Variants in PCDH15 observed in about 807,000 individuals in gnomAD.
PCDH15 encodes the protein protocadherin-15.
In PCDH15, 129 loss-of-function variants were observed where a neutral mutation model predicts 178.5. That is an observed-to-expected ratio of 0.72 (90% CI 0.63 to 0.84). The LOEUF (loss-of-function observed/expected upper bound fraction) is 0.84, where lower values mean the gene tolerates loss of function less well. PCDH15 is among the 40% of genes least tolerant of loss of function. PCDH15 has a pLI of 0.00. For synonymous variants in PCDH15, 800 were observed against 732.0 expected, an observed-to-expected ratio of 1.09 and a Z score of -1.50; for missense variants, 2,230 against 2,099.9, an observed-to-expected ratio of 1.06 and a Z score of -1.21.
intron 3 of PCDH15, among the ~76,000 whole-genome samples, chr10:54,863,430 T>C (rs1002466022): frequency 2.0e-5 from 3 of 152,110 alleles, no homozygotes; most frequent in Admixed American, 6.5e-5. Flanking sequence ...TAGTCCCATC[T>C]ACTCGGGAGG....
chr10:54,642,875 G>A (rs566947748), intron 2 of PCDH15, among the ~76,000 whole-genome samples: 329 of 152,108 alleles, frequency 2.2e-3, no homozygotes, highest in African/African-American at 4.8e-3. Context: ...CTTTATAAAC[G>A]TCTGTTGTAA....
At chr10:54,939,150 T>C (rs1488848256) in intron 2 of PCDH15, among the ~76,000 whole-genome samples, 4 of 152,042 alleles carry the variant, frequency 2.6e-5, no homozygotes, top group African/African-American at 9.7e-5. Context: ...CTGTTTCTTA[T>C]TGAGTCAGTT....
chr10:54,516,834 G>A (rs1367381838), intron 3 of PCDH15, among the ~76,000 whole-genome samples: 1 of 152,180 alleles, frequency 6.6e-6, no homozygotes, highest in Non-Finnish European at 1.5e-5. Context: ...CCCACAAAGG[G>A]AAGCTCATCA....
chr10:55,585,415 A>C (rs1842707171), intron 2 of PCDH15, among the ~76,000 whole-genome samples: 1 of 152,188 alleles, frequency 6.6e-6, no homozygotes, highest in African/African-American at 2.4e-5. Flanking sequence ...GCGTTGGCTC[A>C]AGCCTGTAAT....
intron 1 of PCDH15, among the ~76,000 whole-genome samples, chr10:55,201,055 G>C (rs1007034709): frequency 2.0e-5 from 3 of 151,930 alleles, no homozygotes; most frequent in African/African-American, 4.8e-5. Context: ...ACTTCATTTC[G>C]TATCCTTAGT....
Position 55,356,143 on chromosome 10 carries a change from T to C in PCDH15, c.-155-189492A>G, listed in dbSNP as rs1588949099. 3.9e-5 allele frequency among the ~76,000 whole-genome samples: 6 copies of C among 152,048 alleles called. No homozygotes were observed. In the East Asian group the frequency reaches 1.2e-3, roughly 29 times the overall value. On this transcript the variant is annotated intron_variant, in intron 2 of 5. Coordinates refer to the PCDH15 transcript ENST00000613346. ...TTTGAAGTCATTATTAACTGCAAAT[T>C]GCTGCCCTGTGTTCAGCCCTTTTTT...
intron 1 of PCDH15, among the ~76,000 whole-genome samples, chr10:55,222,730 C>CACATATATATATATATAT: frequency 1.4e-4 from 17 of 121,230 alleles, no homozygotes; most frequent in South Asian, 2.6e-4. Flanking sequence ...CACACACACA[C>CACATATATATATATATAT]ATATATATAT....
At chr10:55,575,795 T>C (rs1396461745) in intron 2 of PCDH15, 7 of 152,170 alleles carry the variant, frequency 4.6e-5, no homozygotes, top group Admixed American at 4.6e-4. Flanking sequence ...GGACTAGCAA[T>C]GAAATACCAC....
intron 3 of PCDH15, among the ~76,000 whole-genome samples, chr10:54,873,100 T>C (rs1489746742): frequency 6.6e-6 from 1 of 152,142 alleles, no homozygotes; most frequent in Admixed American, 6.5e-5. Context: ...AAACAAATAG[T>C]AAATTTGACC....
intron 1 of PCDH15, among the ~76,000 whole-genome samples, chr10:54,723,409 A>G (rs1413391107): frequency 6.6e-6 from 1 of 151,890 alleles, no homozygotes; most frequent in Non-Finnish European, 1.5e-5. Flanking sequence ...AAAGTGGATT[A>G]AAGACTTAAA....
At chr10:55,096,537 A>G (rs1822067011) in intron 2 of PCDH15, among the ~76,000 whole-genome samples, 1 of 152,118 alleles carries the variant, frequency 6.6e-6, no homozygotes, top group South Asian at 2.1e-4. Flanking sequence ...CAAGTGTACA[A>G]TACATTGTTA....
At position 55,094,860 on chromosome 10, in the gene PCDH15, T is replaced by C. The variant is rs975131579; in HGVS notation, c.-80+71716A>G. On this transcript the variant is annotated intron_variant, in intron 2 of 5. Coordinates refer to the PCDH15 transcript ENST00000458638. ...TATTTACAGATGAGAAAACCAAATA[T>C]CTGATAAGTTAATATACCCAAAATG... Among the ~76,000 whole-genome samples, 14 of 151,586 alleles carry C rather than the reference T, an allele frequency of 9.2e-5. No homozygotes were observed. In the East Asian group the frequency reaches 2.5e-3, roughly 27 times the overall value.
At chr10:55,235,252 T>A (rs550896986) in intron 1 of PCDH15, among the ~76,000 whole-genome samples, 3 of 152,124 alleles carry the variant, frequency 2.0e-5, no homozygotes, top group African/African-American at 7.2e-5. Flanking sequence ...AAATTTATGT[T>A]ACCAGTTAGA....
chr10:54,165,603 T>A (rs2046144052), intron 13 of PCDH15, among the ~76,000 whole-genome samples: 1 of 152,144 alleles, frequency 6.6e-6, no homozygotes, highest in Non-Finnish European at 1.5e-5. Flanking sequence ...TATCAAATTC[T>A]CTCATGCCCA....
chr10:54,701,371 C>A (rs529982805), intron 1 of PCDH15, among the ~76,000 whole-genome samples: 1 of 151,926 alleles, frequency 6.6e-6, no homozygotes, highest in East Asian at 1.9e-4. Context: ...GTACATAAAT[C>A]GACATTCTAA....
At chr10:53,831,198 G>C (rs144169796) in intron 30 of PCDH15, 117 bp downstream of exon 30, 1 of 944,388 alleles carries the variant, frequency 1.1e-6, no homozygotes, top group Admixed American at 1.7e-5. Context: ...GACAGATAAA[G>C]CAATCTCAGA....
chr10:55,486,263 G>A (rs182060924), intron 2 of PCDH15, among the ~76,000 whole-genome samples: 214 of 151,724 alleles, frequency 1.4e-3, no homozygotes, highest in African/African-American at 4.7e-3. Context: ...AAAAATAAAT[G>A]AAGGAAACAA....
At chr10:53,980,161 C>T (rs2090510300) in intron 21 of PCDH15, among the ~76,000 whole-genome samples, 1 of 148,856 alleles carries the variant, frequency 6.7e-6, no homozygotes, top group Admixed American at 6.7e-5. Flanking sequence ...CAGGAGGTTG[C>T]AGTGAGCTGA....
At chr10:54,569,730 G>T (rs533893027) in intron 2 of PCDH15, among the ~76,000 whole-genome samples, 13 of 152,248 alleles carry the variant, frequency 8.5e-5, no homozygotes, top group Non-Finnish European at 1.6e-4. Flanking sequence ...TGAACAACAT[G>T]CTGGCAACAG....
Sources: allele counts gnomAD v4.1 joint callset (sites outside exome capture counted in the v4.1 genomes callset), GRCh38; gene constraint gnomAD v4.1.1; transcripts MANE v1.5; gene names NCBI Gene and HGNC (gene_info 2026-07-23, HGNC 2026-07-21).